The following EPHB2 variants were observed in gnomAD, a reference collection of about 807,000 sequenced individuals.
EPHB2 encodes the protein ephrin type-B receptor 2.
A neutral mutation model predicts 96.4 loss-of-function variants in EPHB2; 18 were observed. The ratio of observed to expected loss-of-function variants is 0.19; its 90% confidence interval spans 0.13 to 0.28. The LOEUF (loss-of-function observed/expected upper bound fraction) is 0.28. Among genes scored for constraint, EPHB2 ranks in the 10% least tolerant of loss-of-function variants. The probability of loss-of-function intolerance (pLI) is 1.00; values close to 1 mark genes in which losing one functional copy is unlikely to be tolerated. For missense variants in EPHB2, 989 were observed against 1,355.4 expected (o/e 0.73, Z 4.25); for synonymous variants, 506 against 534.1 (o/e 0.95, Z 0.72).
intron 1 of EPHB2, among the ~76,000 whole-genome samples, chr1:22,725,847 G>A (rs760134565): frequency 1.8e-4 from 28 of 152,172 alleles, no homozygotes; most frequent in Non-Finnish European, 4.1e-4. Flanking sequence ...ACTGATGCTG[G>A]CCAGGAGCAC....
In EPHB2 at chr1:22,906,928, G is replaced by C; in HGVS notation, c.2107G>C (p.Glu703Gln). 1 of 1,613,090 alleles carries C rather than the reference G, an allele frequency of 6.2e-7. No individual in the cohort carries two copies. The highest frequency in any genetic ancestry group is 8.5e-7 in the Non-Finnish European group (1 of 1,179,128). The stretch of plus-strand genomic sequence containing the variant: ...TGTGATGATCATCACCGAGTTCATG[G>C]AGAATGGCTCCCTGGACTCCTTTCT... ...TPVMIITEFM[E>Q]NGSLDSFLRQ... Residue 703 changes from glutamate (E) to glutamine (Q), a missense_variant, in exon 11 of 16, where the codon GAG (glutamate) becomes CAG (glutamine). Coordinates refer to ENST00000374630, the MANE Select transcript of EPHB2 (RefSeq NM_017449.5). The surrounding 1 kb of genome is among the most constrained non-coding windows in gnomAD (Gnocchi z 4.8).
In EPHB2 at chr1:22,833,078, T is replaced by G. The variant is rs16827638; in HGVS notation, c.812-29959T>G. On this transcript the variant is annotated intron_variant, in intron 3 of 15. Transcript: ENST00000374630. ...CCTGGTAAGAGAGAAAGGAAAATCC[T>G]TGGGTGACTTGGTTTTTCATTTAAG... 7.0e-3 allele frequency among the ~76,000 whole-genome samples: 1,016 copies of G among 146,102 alleles called. 12 individuals are homozygous for G. The highest frequency in any genetic ancestry group is 0.024 in the African/African-American group (956 of 39,236).
chr1:22,810,947 G>T (rs542823008), intron 3 of EPHB2, among the ~76,000 whole-genome samples: 4 of 152,204 alleles, frequency 2.6e-5, no homozygotes, highest in African/African-American at 9.6e-5. Flanking sequence ...TCCCAAACAG[G>T]CTCTTATTAA....
intron 9 of EPHB2, among the ~76,000 whole-genome samples, chr1:22,899,146 T>C (rs1346264614): frequency 1.4e-5 from 2 of 147,304 alleles, no homozygotes; most frequent in Non-Finnish European, 3.0e-5. Flanking sequence ...TGAGCCGAGA[T>C]TGTGCCATTG....
intron 5 of EPHB2, among the ~76,000 whole-genome samples, chr1:22,869,667 C>T (rs1638594260): frequency 6.6e-6 from 1 of 152,126 alleles, no homozygotes; most frequent in Non-Finnish European, 1.5e-5. Context: ...TCCTAAGTAT[C>T]AGGTTCCCCT....
At chr1:22,865,588 T>A (rs1638445734) in intron 5 of EPHB2, among the ~76,000 whole-genome samples, 1 of 152,192 alleles carries the variant, frequency 6.6e-6, no homozygotes, top group Non-Finnish European at 1.5e-5. Context: ...TATTTCCGTG[T>A]CATTTCCCCA....
At chr1:22,777,478 G>A (rs1236410260) in intron 1 of EPHB2, among the ~76,000 whole-genome samples, 1 of 152,200 alleles carries the variant, frequency 6.6e-6, no homozygotes, top group African/African-American at 2.4e-5. Flanking sequence ...GTGTTACAGG[G>A]TGGAAAAAGG....
chr1:22,864,841 A>T (rs1638411390), intron 4 of EPHB2, 36 bp from the exon 5 acceptor site: 23 of 1,291,962 alleles, frequency 1.8e-5, no homozygotes, highest in Admixed American at 3.8e-5. Flanking sequence ...GTACCCCCTG[A>T]GCCCCCCACT....
chr1:22,726,799 T>C (rs1219886100), intron 1 of EPHB2, among the ~76,000 whole-genome samples: 2 of 152,152 alleles, frequency 1.3e-5, no homozygotes, highest in African/African-American at 2.4e-5. Flanking sequence ...AAGGTCACAC[T>C]TTTTAGTACA....
At chr1:22,788,751 TTG>T (rs531264813) in intron 3 of EPHB2, among the ~76,000 whole-genome samples, 45 of 41,674 alleles carry the variant, frequency 1.1e-3, no homozygotes, top group African/African-American at 1.7e-3. Context: ...TCTTTTGTTT[TTG>T]TTTTTTTTTT....
At chr1:22,741,073 TG>T (rs1261872072) in intron 1 of EPHB2, among the ~76,000 whole-genome samples, 3 of 152,048 alleles carry the variant, frequency 2.0e-5, no homozygotes, top group Admixed American at 6.5e-5. Flanking sequence ...TCCCCTGTGG[TG>T]GGGGATGCAG....
intron 3 of EPHB2, among the ~76,000 whole-genome samples, chr1:22,861,563 A>G (rs1486302772): frequency 6.6e-6 from 1 of 152,198 alleles, no homozygotes; most frequent in Non-Finnish European, 1.5e-5. Context: ...GGCACAGGAC[A>G]AGCAGCTGTG....
At chr1:22,840,677 T>A (rs1645453209) in intron 3 of EPHB2, among the ~76,000 whole-genome samples, 1 of 152,074 alleles carries the variant, frequency 6.6e-6, no homozygotes, top group African/African-American at 2.4e-5. Context: ...CCCAGGTTGG[T>A]CTGGAACTCC....
chr1:22,836,091 G>A (rs1570361432), intron 3 of EPHB2: 2 of 152,310 alleles, frequency 1.3e-5, no homozygotes, highest in African/African-American at 2.4e-5. Context: ...AGCGAGACAT[G>A]AATCACCGGC....
At chr1:22,825,722 C>A in intron 3 of EPHB2, among the ~76,000 whole-genome samples, 1 of 152,216 alleles carries the variant, frequency 6.6e-6, no homozygotes, top group East Asian at 1.9e-4. Flanking sequence ...CAGGTGTGGC[C>A]TCTGCCTTTT....
intron 3 of EPHB2, among the ~76,000 whole-genome samples, chr1:22,788,950 T>A (rs1346978701): frequency 2.0e-5 from 3 of 152,078 alleles, no homozygotes; most frequent in Non-Finnish European, 4.4e-5. Flanking sequence ...AGATGGGGTT[T>A]CACCATGTTG....
chr1:22,716,955 A>G (rs1008585168), intron 1 of EPHB2, among the ~76,000 whole-genome samples: 2 of 152,164 alleles, frequency 1.3e-5, no homozygotes, highest in African/African-American at 4.8e-5. Context: ...TTAGCTGGAG[A>G]TCTGGGAGAT....
At position 22,811,387 on chromosome 1, in the gene EPHB2, C is replaced by T. The variant is rs74061038; in HGVS notation, c.811+26311C>T. Among the ~76,000 whole-genome samples the T allele has an allele frequency of 3.0e-3, 461 of 152,306 alleles. 5 individuals carry two copies. Among genetic ancestry groups the T allele is most frequent in the African/African-American group, 0.01 (436 of 41,568 alleles). On this transcript the variant is annotated intron_variant, in intron 3 of 15. Coordinates refer to ENST00000374630, the MANE Select transcript of EPHB2 (RefSeq NM_017449.5). ...CAAGACAGCGCCCACTCCATCAGTCCCCACCATACTTACGATGTCCAGGCC... is the reference window on the plus strand; with the variant it reads ...CAAGACAGCGCCCACTCCATCAGTCTCCACCATACTTACGATGTCCAGGCC...
intron 6 of EPHB2, among the ~76,000 whole-genome samples, chr1:22,889,123 C>T (rs1307315776): frequency 2.6e-5 from 4 of 152,154 alleles, no homozygotes; most frequent in African/African-American, 9.7e-5. Flanking sequence ...CCACTGCACT[C>T]CAGCCTGGGT....
Sources: gnomAD v4.1 joint callset for allele counts (sites outside exome capture counted in the v4.1 genomes callset) on GRCh38, gnomAD v4.1.1 for gene constraint, Gnocchi (gnomAD v3.1) non-coding constraint, MANE v1.5 for transcripts, NCBI Gene and HGNC (gene_info 2026-07-23, HGNC 2026-07-21) for gene names.